CROCC: variants seen among roughly 807,000 people sequenced by gnomAD.
The protein encoded by CROCC is rootletin.
A neutral mutation model predicts 245.2 loss-of-function variants in CROCC; 180 were observed. The observed-to-expected ratio is 0.73, with a 90% CI of 0.65 to 0.83. CROCC has a LOEUF of 0.83. Among genes scored for constraint, CROCC ranks in the 40% least tolerant of loss-of-function variants. The probability of loss-of-function intolerance (pLI) is 0.00; values close to 1 mark genes in which losing one functional copy is unlikely to be tolerated. For missense variants in CROCC, 2,688 were observed against 2,779.4 expected (o/e 0.97, Z 0.74); for synonymous variants, 1,205 against 1,241.6 (o/e 0.97, Z 0.62).
chr1:16,953,474 A>C lies in CROCC; in HGVS notation c.3179A>C (p.Lys1060Thr). 6.2e-7 allele frequency: 1 copy of C among 1,605,192 alleles called. No individual in the cohort carries two copies. Among genetic ancestry groups the C allele is most frequent in the Non-Finnish European group, 8.5e-7 (1 of 1,179,388 alleles). ...GGCCTCCTCCTAGCAGAGAGTGAGA[A>C]GCAGCAGGTTCGTGAGCCCTGGCAT... ...DEGLLLAESE[K>T]QQALSLKESE... The change falls in exon 21 of 37, where the codon AAG (lysine) becomes ACG (threonine). Residue 1060 changes from lysine (K) to threonine (T), a missense_variant. Coordinates refer to ENST00000375541, the MANE Select transcript of CROCC (RefSeq NM_014675.5).
In CROCC at chr1:16,947,077, G is replaced by C. The variant is rs369888057; in HGVS notation, c.2514+86G>C. The stretch of plus-strand genomic sequence containing the variant: ...CCCCCTGCATCCAGTCCTGGGTTAA[G>C]TCACAGGCACTGGAGCCTGCTTCTG... On this transcript the variant is annotated intron_variant, in intron 17 of 36. Transcript: ENST00000375541. The C allele has an allele frequency of 1.1e-3, 1,426 of 1,251,164 alleles. No homozygotes were observed. In the Admixed American group the frequency reaches 0.02, roughly 17 times the overall value. The allele number at this position is 1,251,164 out of a possible 1,614,324, so 77.5% of individuals were successfully genotyped here. A position where few individuals can be genotyped will look rare whatever the true frequency, so the allele number is the denominator to read the frequency against.
chr1:16,939,184 G>T, intron 12 of CROCC, 42 bp downstream of exon 12: 1 of 1,398,478 alleles, frequency 7.2e-7, no homozygotes, highest in Non-Finnish European at 9.2e-7. Flanking sequence ...CCAGAGGCCT[G>T]GGGGAGGGGC....
At chr1:16,964,714 C>T (rs181208802) in intron 27 of CROCC, among the ~76,000 whole-genome samples, 66 of 152,044 alleles carry the variant, frequency 4.3e-4, no homozygotes, top group Non-Finnish European at 7.5e-4. Flanking sequence ...GACGGAGTCT[C>T]GCTGTGTTAC....
chr1:16,962,282 A>G (rs1422305572), intron 27 of CROCC, among the ~76,000 whole-genome samples: 9 of 151,184 alleles, frequency 6.0e-5, no homozygotes, highest in Non-Finnish European at 8.9e-5. Flanking sequence ...GCGGTGGCTC[A>G]TGCCTGTAAT....
chr1:16,921,666 G>A (rs1341561007), upstream of CROCC, among the ~76,000 whole-genome samples: 4 of 152,274 alleles, frequency 2.6e-5, no homozygotes, highest in Admixed American at 6.5e-5. Context: ...AGCAACCTGC[G>A]CAGGGTGAAG....
chr1:16,969,124 C>T lies in CROCC; in HGVS notation c.5085C>T (p.Asp1695=). The stretch of plus-strand genomic sequence containing the variant: ...GGCTGTCCTCCTGCCAGGTGGCCGA[C>T]AGCGAGGTGAAGGCAGGGACCCTGC... ...RVDSLQRQVA[D]SEVKAGTLQL... The change falls in exon 32 of 37, where the codon GAC becomes GAT. Residue 1695 remains aspartate, a synonymous_variant. Transcript: ENST00000375541. 1 of 1,601,108 alleles carries T rather than the reference C, an allele frequency of 6.2e-7. No homozygotes were observed. Among genetic ancestry groups the T allele is most frequent in the Non-Finnish European group, 8.5e-7 (1 of 1,174,636 alleles).
At chr1:16,917,179 G>A (rs1328566590), upstream of CROCC, among the ~76,000 whole-genome samples, 3 of 152,412 alleles carry the variant, frequency 2.0e-5, no homozygotes, top group East Asian at 1.9e-4. Context: ...GGTCGCGGCT[G>A]TGACTTGAGC....
At chr1:16,928,159 TGG>T (rs1255568775) in intron 3 of CROCC, among the ~76,000 whole-genome samples, 1 of 152,280 alleles carries the variant, frequency 6.6e-6, no homozygotes, top group Non-Finnish European at 1.5e-5. Flanking sequence ...ATGCCCTGCC[TGG>T]GCTGTAGCAG....
chr1:16,943,057 A>G (rs1007598042), intron 13 of CROCC, among the ~76,000 whole-genome samples: 2 of 152,204 alleles, frequency 1.3e-5, no homozygotes, highest in African/African-American at 4.8e-5. Context: ...AGCCTGACCA[A>G]CATGGAGAAA....
Position 16,971,491 on chromosome 1 carries a change from C to G in CROCC, c.5811C>G (p.Ser1937Arg). The change falls in exon 36 of 37, where the codon AGC (serine) becomes AGG (arginine). Residue 1937 changes from serine (S) to arginine (R), a missense_variant. This residue lies in a region of CROCC where 1,218 missense variants were observed against 1,286.3 expected (regional missense o/e 0.95). Coordinates refer to ENST00000375541, the MANE Select transcript of CROCC (RefSeq NM_014675.5). ...LEAQVVVLEQ[S>R]HSPAQLEVDA... ...CGCAGGTGGTGGTGCTGGAGCAGAG[C>G]CACAGCCCGGCCCAGCTGGAGGTGG... 1 of 1,536,910 alleles carries G rather than the reference C, an allele frequency of 6.5e-7. No homozygotes were observed. Among genetic ancestry groups the G allele is most frequent in the Non-Finnish European group, 8.7e-7 (1 of 1,146,330 alleles).
intron 27 of CROCC, among the ~76,000 whole-genome samples, chr1:16,964,659 A>G (rs892501654): frequency 6.6e-6 from 1 of 152,028 alleles, no homozygotes; most frequent in Non-Finnish European, 1.5e-5. Flanking sequence ...CTGGGATTAC[A>G]GGTGTGAGCC....
intron 1 of CROCC, among the ~76,000 whole-genome samples, chr1:16,922,357 A>T (rs2075427257): frequency 6.6e-6 from 1 of 152,266 alleles, no homozygotes; most frequent in Non-Finnish European, 1.5e-5. Context: ...GCATAGCCAG[A>T]TCCTCATCCA....
At chr1:16,940,554 T>C (rs1156604898) in intron 13 of CROCC, among the ~76,000 whole-genome samples, 1 of 152,068 alleles carries the variant, frequency 6.6e-6, no homozygotes, top group Non-Finnish European at 1.5e-5. Flanking sequence ...GCCCGGCTAA[T>C]TTTTTTTGTA....
chr1:16,950,694 G>A (rs922590451), intron 19 of CROCC, among the ~76,000 whole-genome samples: 42 of 152,234 alleles, frequency 2.8e-4, no homozygotes, highest in African/African-American at 9.9e-4. Context: ...TCCCATTTGG[G>A]AGGCCTTCTC....
rs1227098430 is a variant in CROCC, at chr1:16,930,221, TGGGGCA to T, written c.621+23_621+28del. The T allele has an allele frequency of 6.9e-6, 11 of 1,587,550 alleles. No homozygotes were observed. The highest frequency in any genetic ancestry group is 7.7e-6 in the Non-Finnish European group (9 of 1,167,796). ...CAGCGGCTGAGGGTGGGTGCCAGTG[TGGGGCA>T]GGGGCAGGCCCTGCCCTCCACCTGC... On this transcript the variant is annotated intron_variant, in intron 5 of 36. Coordinates refer to ENST00000375541, the MANE Select transcript of CROCC (RefSeq NM_014675.5).
chr1:16,938,577 TG>T (rs1325110430), intron 11 of CROCC, 94 bp downstream of exon 11: 29 of 1,204,116 alleles, frequency 2.4e-5, no homozygotes, highest in Admixed American at 6.7e-5. Context: ...GAACTGCAAA[TG>T]GGTGGGGGCC....
At position 16,948,397 on chromosome 1, in the gene CROCC, G is replaced by C. The variant is rs1300771488; in HGVS notation, c.2581G>C (p.Val861Leu). The C allele has an allele frequency of 6.3e-7, 1 of 1,577,876 alleles. No homozygotes were observed. ...GGCCCGGCGGGAGGCCCAGCGGCAA[G>C]TGGAGGCGCTGGAGCGAGCGGCCCG... The part of the protein sequence containing the change: ...EQARREAQRQ[V>L]EALERAAREK... Residue 861 changes from valine (V) to leucine (L), a missense_variant, in exon 18 of 37, where the codon GTG (valine) becomes CTG (leucine). Physicochemically the swap from Val to Leu is conservative, Grantham distance 32. This residue lies in a region of CROCC where 295 missense variants were observed against 241.7 expected (regional missense o/e 1.22). Transcript: ENST00000375541.
Position 16,960,734 on chromosome 1 carries a change from C to T in CROCC, c.4033-24C>T, listed in dbSNP as rs772344916. ...TCGGGTTGGGAGAGGTCTTGCCGAC[C>T]TCCACCTCCTGGCATCACTCCAGCT... On this transcript the variant is annotated intron_variant, in intron 26 of 36. Transcript: ENST00000375541. 6 of 1,486,088 alleles carry T rather than the reference C, an allele frequency of 4.0e-6. No homozygotes were observed. The South Asian group carries it at 7.7e-5, about 19-fold the overall frequency. 92.1% of individuals were successfully genotyped at this position (1,486,088 alleles called of 1,614,324 possible). A position where few individuals can be genotyped will look rare whatever the true frequency, so the allele number is the denominator to read the frequency against.
intron 19 of CROCC, among the ~76,000 whole-genome samples, chr1:16,950,461 C>T (rs1437461018): frequency 1.3e-5 from 2 of 149,060 alleles, no homozygotes; most frequent in African/African-American, 2.5e-5. Context: ...TGGGTTCAAG[C>T]GATTCTCCTG....
Sources: allele counts gnomAD v4.1 joint callset (sites outside exome capture counted in the v4.1 genomes callset), GRCh38; gene constraint gnomAD v4.1.1; regional missense constraint gnomAD v4.1.1; transcripts MANE v1.5; gene names NCBI Gene and HGNC (gene_info 2026-07-23, HGNC 2026-07-21).